Variants in INPP5B observed in about 807,000 individuals in gnomAD.
The protein encoded by INPP5B is type II inositol 1,4,5-trisphosphate 5-phosphatase.
In INPP5B, 90 loss-of-function variants were observed where a neutral mutation model predicts 118.5. That is an observed-to-expected ratio of 0.76 (90% CI 0.64 to 0.90). The LOEUF (loss-of-function observed/expected upper bound fraction) is 0.90, where lower values mean the gene tolerates loss of function less well. INPP5B is among the 40% of genes least tolerant of loss of function. INPP5B has a pLI of 0.00. For synonymous variants in INPP5B, 385 were observed against 418.9 expected (o/e 0.92, Z 0.99); for missense variants, 984 against 1,125.6 (o/e 0.87, Z 1.80).
At chr1:37,897,761 A>T (rs138546866) in intron 7 of INPP5B, among the ~76,000 whole-genome samples, 6,506 of 151,598 alleles carry the variant, frequency 0.043, 174 homozygotes, top group African/African-American at 0.053. Flanking sequence ...ATAATAAAAT[A>T]AAATTAAATA....
intron 7 of INPP5B, among the ~76,000 whole-genome samples, chr1:37,918,535 C>T (rs1644949277): frequency 6.6e-6 from 1 of 152,174 alleles, no homozygotes; most frequent in South Asian, 2.1e-4. Context: ...TCTCAGTAGT[C>T]ATTTCTCTGA....
At chr1:37,868,713 C>T in intron 19 of INPP5B, 99 bp from the exon 20 acceptor site, 2 of 750,980 alleles carry the variant, frequency 2.7e-6, no homozygotes, top group Non-Finnish European at 4.8e-6. Context: ...GGAAAACATT[C>T]CACTGCCCCT....
At chr1:37,946,411 G>A (rs1646114650) in intron 1 of INPP5B, 77 bp from the exon 2 acceptor site, 2 of 1,010,416 alleles carry the variant, frequency 2.0e-6, no homozygotes, top group East Asian at 2.6e-5. Flanking sequence ...CAGAGGGGTT[G>A]GGGGCAGGAG....
chr1:37,936,161 G>C (rs892906079), intron 6 of INPP5B, among the ~76,000 whole-genome samples: 4 of 152,116 alleles, frequency 2.6e-5, no homozygotes, highest in Admixed American at 2.0e-4. Context: ...CCCTTCATGA[G>C]ATGCTCTCTG....
At chr1:37,940,053 C>T (rs1360874651) in intron 6 of INPP5B, among the ~76,000 whole-genome samples, 1 of 152,064 alleles carries the variant, frequency 6.6e-6, no homozygotes, top group East Asian at 1.9e-4. Context: ...CCCATTGCCA[C>T]AAAGACAAGA....
At chr1:37,925,645 T>C (rs908206810) in intron 7 of INPP5B, among the ~76,000 whole-genome samples, 1 of 152,218 alleles carries the variant, frequency 6.6e-6, no homozygotes, top group African/African-American at 2.4e-5. Context: ...TCCCTCTTCC[T>C]GAACTGTCCC....
intron 20 of INPP5B, among the ~76,000 whole-genome samples, chr1:37,866,896 A>G (rs949999379): frequency 6.6e-6 from 1 of 152,258 alleles, no homozygotes; most frequent in East Asian, 1.9e-4. Context: ...GCATAAGAGC[A>G]TAAGAGAACG....
Position 37,934,025 on chromosome 1 carries a change from C to T in INPP5B, c.392-1972G>A, listed in dbSNP as rs372617091. ...CTCTGCTTACTGCAACCTCCGCCTCCCGGGTTCAAATGATTCTCCTGCCTC... is the reference window on the plus strand; with the variant it reads ...CTCTGCTTACTGCAACCTCCGCCTCTCGGGTTCAAATGATTCTCCTGCCTC... On this transcript the variant is annotated intron_variant, in intron 6 of 23. Coordinates refer to ENST00000373024, the MANE Select transcript of INPP5B (RefSeq NM_005540.3). Among the ~76,000 whole-genome samples the T allele has an allele frequency of 1.3e-3, 195 of 151,846 alleles. 6 individuals carry two copies. The South Asian group carries it at 0.039, about 30-fold the overall frequency.
At chr1:37,885,878 C>T in intron 12 of INPP5B, 53 bp from the exon 13 acceptor site, 2 of 1,550,288 alleles carry the variant, frequency 1.3e-6, no homozygotes, top group Non-Finnish European at 1.8e-6. Flanking sequence ...GTGTCAGTCA[C>T]TTAAACCTAC....
At chr1:37,917,339 T>TA (rs1557694463) in intron 7 of INPP5B, among the ~76,000 whole-genome samples, 2 of 120,688 alleles carry the variant, frequency 1.7e-5, no homozygotes, top group African/African-American at 5.9e-5. Flanking sequence ...TATATATATA[T>TA]TTGAGAAAGG....
chr1:37,865,933 G>A, intron 21 of INPP5B, 45 bp from the exon 22 acceptor site: 1 of 1,603,950 alleles, frequency 6.2e-7, no homozygotes, highest in Non-Finnish European at 8.5e-7. Context: ...GCTGTCCATG[G>A]TTAGGAAAAG....
intron 7 of INPP5B, among the ~76,000 whole-genome samples, chr1:37,896,533 G>T (rs1471192685): frequency 3.7e-5 from 5 of 136,828 alleles, no homozygotes; most frequent in African/African-American, 8.3e-5. Context: ...GCCTCTGCCC[G>T]GCCGCCCCTA....
At chr1:37,901,880 T>G (rs1644345393) in intron 7 of INPP5B, among the ~76,000 whole-genome samples, 1 of 152,148 alleles carries the variant, frequency 6.6e-6, no homozygotes, top group South Asian at 2.1e-4. Flanking sequence ...ACTCTGCCCT[T>G]TTTTTAACCT....
chr1:37,942,421 G>A (rs1290452640), intron 5 of INPP5B, among the ~76,000 whole-genome samples: 13 of 152,150 alleles, frequency 8.5e-5, no homozygotes, highest in Admixed American at 4.6e-4. Context: ...GCAACAGAGC[G>A]AGACTCTGTC....
chr1:37,900,104 G>A (rs1245949167), intron 7 of INPP5B, among the ~76,000 whole-genome samples: 2 of 132,522 alleles, frequency 1.5e-5, no homozygotes, highest in African/African-American at 3.0e-5. Context: ...TTGAGACAGC[G>A]TCTCACTCAC....
chr1:37,919,906 C>T (rs557912906), intron 7 of INPP5B, among the ~76,000 whole-genome samples: 2 of 152,296 alleles, frequency 1.3e-5, no homozygotes, highest in East Asian at 3.9e-4. Flanking sequence ...CATGCCACTG[C>T]ACTCCAGCCT....
rs180685388 is a variant in INPP5B at position 37,903,248 on chromosome 1, C to T, written c.533-11794G>A. Among the ~76,000 whole-genome samples the T allele has an allele frequency of 7.4e-4, 112 of 152,228 alleles. 1 individual carries two copies. The highest frequency in any genetic ancestry group is 2.4e-3 in the African/African-American group (98 of 41,536). On this transcript the variant is annotated intron_variant, in intron 7 of 23. Transcript: ENST00000373024. ...CTGATAAAACAGGCTGCAGTAAAGA[C>T]GCCTGCTAAAACCCACCAAACCAAG...
intron 7 of INPP5B, among the ~76,000 whole-genome samples, chr1:37,896,505 G>T (rs1325484199): frequency 6.9e-6 from 1 of 145,252 alleles, no homozygotes; most frequent in East Asian, 2.1e-4. Flanking sequence ...CAGCCGCCCC[G>T]TCCGGCAGGT....
chr1:37,922,703 T>TA (rs1645100469), intron 7 of INPP5B, among the ~76,000 whole-genome samples: 1 of 151,808 alleles, frequency 6.6e-6, no homozygotes, highest in African/African-American at 2.4e-5. Context: ...CTCAAAAAAA[T>TA]AAATAAAATA....
Sources: allele counts gnomAD v4.1 joint callset (sites outside exome capture counted in the v4.1 genomes callset), GRCh38; gene constraint gnomAD v4.1.1; transcripts MANE v1.5; gene names NCBI Gene and HGNC (gene_info 2026-07-23, HGNC 2026-07-21).